The following DAB1 variants were observed in gnomAD, a reference collection of about 807,000 sequenced individuals.
DAB1 encodes disabled homolog 1.
DAB1 carries 15 observed loss-of-function variants against 64.6 expected under a neutral mutation model. That is an observed-to-expected ratio of 0.23 (90% CI 0.16 to 0.36). The LOEUF (loss-of-function observed/expected upper bound fraction) is 0.36. Ranked by LOEUF, DAB1 falls within the 10% of genes least tolerant of loss-of-function variation. DAB1 has a pLI of 1.00. For missense variants in DAB1, 596 were observed against 706.7 expected (o/e 0.84, Z 1.78); for synonymous variants, 235 against 251.9 (o/e 0.93, Z 0.64).
intron 1 of DAB1, among the ~76,000 whole-genome samples, chr1:57,396,927 C>G (rs1365327238): frequency 6.6e-6 from 1 of 151,960 alleles, no homozygotes; most frequent in African/African-American, 2.4e-5. Flanking sequence ...TCATATGGCC[C>G]AATTGAAATA....
intron 6 of DAB1, among the ~76,000 whole-genome samples, chr1:57,771,590 T>C (rs1649564485): frequency 6.6e-6 from 1 of 152,146 alleles, no homozygotes; most frequent in South Asian, 2.1e-4. Flanking sequence ...TATTGATGCA[T>C]AATTTATATG....
upstream of DAB1, among the ~76,000 whole-genome samples, chr1:57,888,525 G>C (rs1203358930): frequency 6.6e-6 from 1 of 152,136 alleles, no homozygotes; most frequent in Non-Finnish European, 1.5e-5. Flanking sequence ...CTAACAGTTA[G>C]AAGACACAAT....
intron 5 of DAB1, among the ~76,000 whole-genome samples, chr1:57,923,635 A>C (rs1423954290): frequency 6.6e-6 from 1 of 152,228 alleles, no homozygotes; most frequent in Admixed American, 6.5e-5. Flanking sequence ...TTCCTGAGCC[A>C]TGCTGAATGA....
chr1:58,252,498 G>A (rs1047091646), intron 4 of DAB1, among the ~76,000 whole-genome samples: 1 of 152,178 alleles, frequency 6.6e-6, no homozygotes, highest in African/African-American at 2.4e-5. Context: ...TGTAGAGCCA[G>A]AGATGGCAAG....
intron 7 of DAB1, among the ~76,000 whole-genome samples, chr1:57,572,434 G>A (rs1310297993): frequency 1.3e-5 from 2 of 152,162 alleles, no homozygotes; most frequent in African/African-American, 2.4e-5. Flanking sequence ...GTGGGCTCTG[G>A]AGCCAGAATG....
chr1:58,296,175 A>AAGAAAG (rs1322856068), intron 4 of DAB1, among the ~76,000 whole-genome samples: 1 of 128,900 alleles, frequency 7.8e-6, no homozygotes, highest in African/African-American at 2.9e-5. Context: ...AGAAAGAAAA[A>AAGAAAG]AGAAAGAAAG....
chr1:57,819,367 G>C (rs1652015523), intron 6 of DAB1, among the ~76,000 whole-genome samples: 1 of 152,188 alleles, frequency 6.6e-6, no homozygotes, highest in African/African-American at 2.4e-5. Context: ...AGGATATCCT[G>C]GTTAATCAAA....
chr1:57,006,468 G>A (rs1476674282), intron 14 of DAB1, among the ~76,000 whole-genome samples: 10 of 152,094 alleles, frequency 6.6e-5, no homozygotes, highest in Admixed American at 6.5e-5. Flanking sequence ...ATGTCTCTTC[G>A]GTCTTAACCT....
At chr1:57,279,027 G>A (rs759330368) in intron 2 of DAB1, among the ~76,000 whole-genome samples, 1 of 152,292 alleles carries the variant, frequency 6.6e-6, no homozygotes, top group Non-Finnish European at 1.5e-5. Flanking sequence ...TCAGGTTTGG[G>A]GATGCCCGCT....
At chr1:57,503,038 A>G (rs1056544801) in intron 7 of DAB1, among the ~76,000 whole-genome samples, 1 of 152,220 alleles carries the variant, frequency 6.6e-6, no homozygotes, top group Non-Finnish European at 1.5e-5. Context: ...TCAGAGACCC[A>G]GGCCAGATAT....
upstream of DAB1, among the ~76,000 whole-genome samples, chr1:57,424,938 C>T (rs1036421291): frequency 4.6e-5 from 7 of 152,202 alleles, no homozygotes; most frequent in African/African-American, 1.7e-4. Context: ...TCCTCCGATT[C>T]GAAGCTGTGC....
chr1:58,187,074 T>G (rs1657119093), intron 4 of DAB1, among the ~76,000 whole-genome samples: 1 of 152,148 alleles, frequency 6.6e-6, no homozygotes, highest in Non-Finnish European at 1.5e-5. Flanking sequence ...TAACCCAACT[T>G]CATGGATTAT....
chr1:57,346,740 G>A (rs1678138211), intron 1 of DAB1, among the ~76,000 whole-genome samples: 1 of 152,108 alleles, frequency 6.6e-6, no homozygotes, highest in South Asian at 2.1e-4. Flanking sequence ...TAAAAGCTGA[G>A]GTTACAGCAG....
At chr1:57,335,505 G>A (rs1677012120) in intron 1 of DAB1, among the ~76,000 whole-genome samples, 2 of 152,164 alleles carry the variant, frequency 1.3e-5, no homozygotes, top group South Asian at 4.1e-4. Flanking sequence ...CTTAGATTCT[G>A]GAGGCCACGA....
chr1:57,785,362 T>C (rs1650292861), intron 6 of DAB1, among the ~76,000 whole-genome samples: 1 of 152,156 alleles, frequency 6.6e-6, no homozygotes, highest in Non-Finnish European at 1.5e-5. Context: ...ATTTAAGAAA[T>C]ACGATTCATA....
chr1:57,469,964 T>C (rs1687084049), intron 7 of DAB1, among the ~76,000 whole-genome samples: 1 of 152,198 alleles, frequency 6.6e-6, no homozygotes, highest in African/African-American at 2.4e-5. Context: ...AAACTATTAT[T>C]TCATATAACA....
intron 3 of DAB1, among the ~76,000 whole-genome samples, chr1:58,380,506 T>G (rs751689057): frequency 8.5e-5 from 13 of 152,218 alleles, no homozygotes; most frequent in Admixed American, 2.0e-4. Flanking sequence ...CCTGGATTGT[T>G]GCATGAGAAA....
chr1:57,769,067 A>T (rs905047324), intron 6 of DAB1, among the ~76,000 whole-genome samples: 2 of 152,140 alleles, frequency 1.3e-5, no homozygotes, highest in African/African-American at 4.8e-5. Flanking sequence ...TTCCAGCAGG[A>T]GCACCTACAG....
At chr1:58,092,180 C>CA (rs1049020713) in intron 5 of DAB1, among the ~76,000 whole-genome samples, 3 of 151,666 alleles carry the variant, frequency 2.0e-5, no homozygotes, top group Non-Finnish European at 4.4e-5. Flanking sequence ...ACTAAAAATA[C>CA]AAAAAAATAG....
Sources: gnomAD v4.1 joint callset for allele counts (sites outside exome capture counted in the v4.1 genomes callset) on GRCh38, gnomAD v4.1.1 for gene constraint, MANE v1.5 for transcripts, NCBI Gene and HGNC (gene_info 2026-07-23, HGNC 2026-07-21) for gene names.